SAMD4A: variants seen among roughly 807,000 people sequenced by gnomAD.
SAMD4A encodes sterile alpha motif domain containing 4A.
A neutral mutation model predicts 81.3 loss-of-function variants in SAMD4A; 33 were observed. That is an observed-to-expected ratio of 0.41 (90% CI 0.31 to 0.54). The LOEUF (loss-of-function observed/expected upper bound fraction) is 0.54, where lower values mean the gene tolerates loss of function less well. Among genes scored for constraint, SAMD4A ranks in the 20% least tolerant of loss-of-function variants. SAMD4A has a pLI of 0.37. For missense variants in SAMD4A, 854 were observed against 951.1 expected (o/e 0.90, Z 1.34); for synonymous variants, 389 against 382.1 (o/e 1.02, Z -0.21).
At chr14:54,574,054 T>A (rs1343791254) in intron 2 of SAMD4A, among the ~76,000 whole-genome samples, 1 of 152,244 alleles carries the variant, frequency 6.6e-6, no homozygotes, top group Non-Finnish European at 1.5e-5. Flanking sequence ...ATTGTAATGG[T>A]ACCTGACAAA....
intron 2 of SAMD4A, among the ~76,000 whole-genome samples, chr14:54,633,954 G>A (rs1445728193): frequency 6.6e-6 from 1 of 152,020 alleles, no homozygotes; most frequent in Non-Finnish European, 1.5e-5. Context: ...TCAGCATTTG[G>A]AACAGTATTT....
chr14:54,756,924 A>G (rs2038254903), intron 6 of SAMD4A, among the ~76,000 whole-genome samples: 1 of 152,302 alleles, frequency 6.6e-6, no homozygotes, highest in Middle Eastern at 3.4e-3. Flanking sequence ...TCTGCTCTCA[A>G]AGGAGCTCCT....
intron 2 of SAMD4A, among the ~76,000 whole-genome samples, chr14:54,611,491 TC>T (rs2034354420): frequency 6.6e-6 from 1 of 152,168 alleles, no homozygotes; most frequent in African/African-American, 2.4e-5. Flanking sequence ...GCTAGCCTTT[TC>T]CCCTCCATTG....
chr14:54,615,512 G>GTA (rs1007261034), intron 2 of SAMD4A, among the ~76,000 whole-genome samples: 77 of 152,312 alleles, frequency 5.1e-4, no homozygotes, highest in Middle Eastern at 3.4e-3. Context: ...TGATGGCACT[G>GTA]TAAGTACTAT....
chr14:54,690,064 C>G (rs1343859323), intron 2 of SAMD4A: 1 of 152,210 alleles, frequency 6.6e-6, no homozygotes. Context: ...CCAGGTTGGT[C>G]TAGCAAGGCT....
At chr14:54,669,598 A>G (rs1197556738) in intron 2 of SAMD4A, among the ~76,000 whole-genome samples, 4 of 151,962 alleles carry the variant, frequency 2.6e-5, no homozygotes, top group Admixed American at 6.6e-5. Flanking sequence ...AGCTAGGACC[A>G]CAGGCGTGCA....
At chr14:54,601,004 G>C (rs1051699051) in intron 2 of SAMD4A, among the ~76,000 whole-genome samples, 3 of 152,124 alleles carry the variant, frequency 2.0e-5, no homozygotes, top group African/African-American at 7.2e-5. Flanking sequence ...GGGAGAAATG[G>C]CCATCTGGCT....
intron 2 of SAMD4A, among the ~76,000 whole-genome samples, chr14:54,701,654 A>AC (rs1008908014): frequency 6.6e-6 from 1 of 152,100 alleles, no homozygotes; most frequent in African/African-American, 2.4e-5. Context: ...AAGCAGCCTC[A>AC]CCCCCAGGAC....
intron 2 of SAMD4A, among the ~76,000 whole-genome samples, chr14:54,658,265 C>T (rs531647311): frequency 3.9e-5 from 6 of 152,270 alleles, no homozygotes; most frequent in Admixed American, 2.0e-4. Context: ...GAGCCAAGAT[C>T]GTGCCAGCAC....
chr14:54,781,353 G>GC (rs2038994972), intron 11 of SAMD4A, among the ~76,000 whole-genome samples: 1 of 152,224 alleles, frequency 6.6e-6, no homozygotes, highest in Admixed American at 6.5e-5. Flanking sequence ...GGTGGATGCT[G>GC]CAGCAGCACC....
At chr14:54,590,519 C>A (rs984045160) in intron 2 of SAMD4A, among the ~76,000 whole-genome samples, 1 of 152,108 alleles carries the variant, frequency 6.6e-6, no homozygotes, top group African/African-American at 2.4e-5. Context: ...TTAAGAAGAG[C>A]CTAGGTTATA....
rs371033597 is a variant in SAMD4A, at chr14:54,788,927, C to G, written c.2140C>G (p.Arg714Gly). Reference sequence around the variant, plus strand: ...GCTTTCTCTCCCAGACGGGGTTGACCGGACCTCCACCATCTAGAAGCTGAA... The same window carrying G: ...GCTTTCTCTCCCAGACGGGGTTGACGGGACCTCCACCATCTAGAAGCTGAA... Reference protein sequence around the residue: ...TEHALGDGVDRTSTI With the variant: ...TEHALGDGVDGTSTI Residue 714 changes from arginine to glycine, a missense_variant, in exon 13 of 13, where the codon CGG becomes GGG. Arg to Gly is a moderately radical substitution (Grantham distance 125, BLOSUM62 -2). Transcript: ENST00000554335. 9.3e-6 allele frequency: 15 copies of G among 1,614,072 alleles called. No individual in the cohort carries two copies. The highest frequency in any genetic ancestry group is 1.1e-5 in the Non-Finnish European group (13 of 1,180,036).
At chr14:54,749,332 T>C (rs1161580547) in intron 5 of SAMD4A, among the ~76,000 whole-genome samples, 1 of 152,194 alleles carries the variant, frequency 6.6e-6, no homozygotes, top group Non-Finnish European at 1.5e-5. Flanking sequence ...GGGCTTGGCT[T>C]GTTTGGGAAG....
chr14:54,587,649 T>C (rs922592034), intron 2 of SAMD4A, among the ~76,000 whole-genome samples: 1 of 152,206 alleles, frequency 6.6e-6, no homozygotes, highest in Non-Finnish European at 1.5e-5. Context: ...GATGATCATG[T>C]GATTTTTGTT....
intron 2 of SAMD4A, among the ~76,000 whole-genome samples, chr14:54,572,587 T>C (rs891248467): frequency 9.9e-5 from 15 of 152,068 alleles, no homozygotes; most frequent in Non-Finnish European, 1.8e-4. Flanking sequence ...AGGATGGAAA[T>C]AGAGAAAAAA....
At chr14:54,718,939 G>T (rs980580621) in intron 3 of SAMD4A, among the ~76,000 whole-genome samples, 4 of 151,158 alleles carry the variant, frequency 2.6e-5, no homozygotes, top group African/African-American at 7.3e-5. Context: ...GGAGGCAGAG[G>T]TTGCAGTAAG....
At position 54,791,378 on chromosome 14, in the gene SAMD4A, C is replaced by A. The variant is rs941122108; in HGVS notation, c.*2434C>A. On this transcript the variant is annotated 3_prime_UTR_variant, in exon 13 of 13. Coordinates refer to ENST00000554335, the MANE Select transcript of SAMD4A (RefSeq NM_015589.6). Reference sequence around the variant, plus strand: ...TGTTATTCAGAAAACAGATTGTGAACACAATCACATTCGCATGAATCCTTT... The same window carrying A: ...TGTTATTCAGAAAACAGATTGTGAAAACAATCACATTCGCATGAATCCTTT... 1 of 152,226 alleles carries A rather than the reference C, an allele frequency of 6.6e-6. No individual in the cohort carries two copies. The highest frequency in any genetic ancestry group is 2.4e-5 in the African/African-American group (1 of 41,458). 9.4% of individuals were successfully genotyped at this position (152,226 alleles called of 1,614,324 possible).
At position 54,574,930 on chromosome 14, in the gene SAMD4A, T is replaced by C. The variant is rs965858361; in HGVS notation, c.196+6818T>C. Among the ~76,000 whole-genome samples the C allele has an allele frequency of 2.0e-4, 30 of 152,256 alleles. 1 individual carries two copies. The highest frequency in any genetic ancestry group is 2.0e-4 in the Admixed American group (3 of 15,290). ...GGGATTGTAGTAGGCTCCCAGGTGA[T>C]GTTGATGCTGCGTATCTGCGGACCA... On this transcript the variant is annotated intron_variant, in intron 2 of 12. Coordinates refer to ENST00000554335, the MANE Select transcript of SAMD4A (RefSeq NM_015589.6).
intron 6 of SAMD4A, 36 bp from the exon 7 acceptor site, chr14:54,760,125 G>T: frequency 1.3e-6 from 2 of 1,596,542 alleles, no homozygotes; most frequent in African/African-American, 2.7e-5. Context: ...CCTTATTCCT[G>T]AGCCTAACAG....
Sources: gnomAD v4.1 joint callset for allele counts (sites outside exome capture counted in the v4.1 genomes callset) on GRCh38, gnomAD v4.1.1 for gene constraint, MANE v1.5 for transcripts, NCBI Gene and HGNC (gene_info 2026-07-23, HGNC 2026-07-21) for gene names.